Variants in NFASC observed in about 807,000 individuals in gnomAD.
NFASC encodes neurofascin homolog.
In NFASC, 43 loss-of-function variants were observed where a neutral mutation model predicts 147.5. The observed-to-expected ratio is 0.29, with a 90% CI of 0.23 to 0.38. The LOEUF (loss-of-function observed/expected upper bound fraction) is 0.38. NFASC is among the 10% of genes least tolerant of loss of function. The pLI is 1.00. For synonymous variants in NFASC, 622 were observed against 665.5 expected (o/e 0.93, Z 1.01); for missense variants, 1,320 against 1,689.0 (o/e 0.78, Z 3.83).
chr1:204,967,570 C>A (rs142738131), intron 8 of NFASC, among the ~76,000 whole-genome samples: 67 of 152,190 alleles, frequency 4.4e-4, no homozygotes, highest in Non-Finnish European at 3.8e-4. Context: ...TCTCCCACCC[C>A]CTCCCCGAGC....
chr1:204,898,797 A>C (rs181454347), intron 1 of NFASC, among the ~76,000 whole-genome samples: 1 of 152,320 alleles, frequency 6.6e-6, no homozygotes, highest in East Asian at 1.9e-4. Flanking sequence ...CGTGTAGTTC[A>C]TTGATTTCTA....
chr1:204,828,886 GC>G, intron 1 of NFASC, 104 bp downstream of exon 1: 1 of 714,226 alleles, frequency 1.4e-6, no homozygotes, highest in Non-Finnish European at 1.7e-6. Flanking sequence ...CCCCTGACCT[GC>G]CCCCTCCCCC....
At chr1:204,946,025 A>G (rs1423488785) in intron 3 of NFASC, among the ~76,000 whole-genome samples, 1 of 152,110 alleles carries the variant, frequency 6.6e-6, no homozygotes, top group African/African-American at 2.4e-5. Flanking sequence ...CTAAAGCTCT[A>G]CAGGAAACGG....
At chr1:204,861,785 G>T (rs902292391) in intron 1 of NFASC, among the ~76,000 whole-genome samples, 1 of 152,284 alleles carries the variant, frequency 6.6e-6, no homozygotes, top group South Asian at 2.1e-4. Context: ...CACCGCACCC[G>T]GCCTCTTCTC....
intron 24 of NFASC, 89 bp from the exon 25 acceptor site, chr1:204,997,081 G>A: frequency 1.9e-6 from 3 of 1,544,118 alleles, no homozygotes; most frequent in Non-Finnish European, 2.6e-6. Flanking sequence ...TCTCCTCACC[G>A]GGCTGCCTGC....
At chr1:204,872,143 C>T (rs774487882) in intron 1 of NFASC, among the ~76,000 whole-genome samples, 2 of 152,210 alleles carry the variant, frequency 1.3e-5, no homozygotes, top group Non-Finnish European at 2.9e-5. Context: ...CTCCCTGGCT[C>T]AGACCAATTC....
chr1:204,957,871 G>A (rs767964447), intron 8 of NFASC, 45 bp downstream of exon 8: 4 of 1,589,302 alleles, frequency 2.5e-6, no homozygotes, highest in African/African-American at 1.3e-5. Context: ...AAAGAAAGAA[G>A]CCCACTGATC....
chr1:204,900,752 A>G (rs1389637423), intron 1 of NFASC, among the ~76,000 whole-genome samples: 1 of 152,228 alleles, frequency 6.6e-6, no homozygotes, highest in Non-Finnish European at 1.5e-5. Context: ...CACTGGAACG[A>G]AGACCTGAGG....
Position 204,830,761 on chromosome 1 carries a change from G to A in NFASC, c.-200+1979G>A, listed in dbSNP as rs147201474. Among the ~76,000 whole-genome samples the A allele has an allele frequency of 3.6e-3, 551 of 152,314 alleles. 5 individuals are homozygous for A. Among genetic ancestry groups the A allele is most frequent in the African/African-American group, 0.013 (524 of 41,548 alleles). The stretch of plus-strand genomic sequence containing the variant: ...ACTGTGGAACAGGGAATGGCAGCCC[G>A]ATTCCTGTCTTAGGGGCTTAGACGA... On this transcript the variant is annotated intron_variant, in intron 1 of 29. Coordinates refer to ENST00000339876, the MANE Select transcript of NFASC (RefSeq NM_001005388.3).
intron 1 of NFASC, among the ~76,000 whole-genome samples, chr1:204,884,096 T>C (rs2080862371): frequency 6.6e-6 from 1 of 152,158 alleles, no homozygotes. Context: ...CACTCTCTGC[T>C]GGAGTGACAG....
chr1:204,869,269 TG>T (rs2077380751), intron 1 of NFASC, among the ~76,000 whole-genome samples: 1 of 152,168 alleles, frequency 6.6e-6, no homozygotes, highest in African/African-American at 2.4e-5. Context: ...GCACCCTGTG[TG>T]GGGAAATTAT....
intron 2 of NFASC, among the ~76,000 whole-genome samples, chr1:204,935,835 A>T (rs2092770703): frequency 6.6e-6 from 1 of 152,200 alleles, no homozygotes; most frequent in African/African-American, 2.4e-5. Flanking sequence ...GCCCCCGTGC[A>T]TCATGGCCAC....
Position 204,920,740 on chromosome 1 carries a change from G to GGTA in NFASC, c.-91+1_-91+3dup. Reference sequence around the variant, plus strand: ...GGAAGAGGCTGAATGAGGCAGAGAAGGTAAGCAGGACTTGGGCCTGGGGTA... The same window carrying GGTA: ...GGAAGAGGCTGAATGAGGCAGAGAAGGTAGTAAGCAGGACTTGGGCCTGGGGTA... On this transcript the variant is annotated splice_region_variant and 5_prime_UTR_variant. Coordinates refer to ENST00000339876, the MANE Select transcript of NFASC (RefSeq NM_001005388.3). 7.8e-7 allele frequency: 1 copy of GGTA among 1,281,212 alleles called. No homozygotes were observed. Among genetic ancestry groups the GGTA allele is most frequent in the Non-Finnish European group, 1.0e-6 (1 of 981,144 alleles). 79.4% of individuals were successfully genotyped at this position (1,281,212 alleles called of 1,614,324 possible). A position where few individuals can be genotyped will look rare whatever the true frequency, so the allele number is the denominator to read the frequency against.
intron 1 of NFASC, among the ~76,000 whole-genome samples, chr1:204,902,225 G>A (rs1190576707): frequency 6.6e-6 from 1 of 152,120 alleles, no homozygotes; most frequent in Non-Finnish European, 1.5e-5. Flanking sequence ...AGCCAAGGAG[G>A]TCAAGACTGC....
intron 1 of NFASC, among the ~76,000 whole-genome samples, chr1:204,906,097 T>C (rs1416528038): frequency 1.3e-5 from 2 of 152,212 alleles, no homozygotes; most frequent in African/African-American, 2.4e-5. Context: ...ATCTTCTTTA[T>C]AAAATATTTA....
chr1:205,010,898 G>A lies in NFASC; in HGVS notation c.3421+1210G>A, dbSNP rs1289524743. 7.1e-5 allele frequency: 10 copies of A among 140,222 alleles called. No homozygotes were observed. Among genetic ancestry groups the A allele is most frequent in the African/African-American group, 1.0e-4 (4 of 38,566 alleles). The allele number at this position is 140,222 out of a possible 1,614,324, so 8.7% of individuals were successfully genotyped here. ...AGCCTGGGCGGCAGAGCAAGACTCC[G>A]TCTCAAAAAAGGAAAAAAAAAAAAA... On this transcript the variant is annotated intron_variant, in intron 28 of 29. Transcript: ENST00000339876. This position sits in a 1 kb window ranked among gnomAD's most constrained non-coding sequence, Gnocchi z 4.1.
At chr1:204,923,408 C>T (rs1056377649) in intron 2 of NFASC, among the ~76,000 whole-genome samples, 5 of 152,124 alleles carry the variant, frequency 3.3e-5, no homozygotes, top group Non-Finnish European at 5.9e-5. Flanking sequence ...ATCCCCAGTA[C>T]GTCCACTCCT....
intron 10 of NFASC, among the ~76,000 whole-genome samples, chr1:204,970,180 A>C (rs370877052): frequency 2.1e-4 from 32 of 151,844 alleles, no homozygotes; most frequent in African/African-American, 7.5e-4. Flanking sequence ...CAAAACAGAG[A>C]TCCAGAGGGA....
chr1:204,944,076 T>A, intron 2 of NFASC, 150 bp from the exon 3 acceptor site: 1 of 678,818 alleles, frequency 1.5e-6, no homozygotes, highest in East Asian at 2.7e-5. Context: ...GTCCCACGTG[T>A]CAGTAGTGTT....
Sources: gnomAD v4.1 joint callset for allele counts (sites outside exome capture counted in the v4.1 genomes callset) on GRCh38, gnomAD v4.1.1 for gene constraint, Gnocchi (gnomAD v3.1) non-coding constraint, MANE v1.5 for transcripts, NCBI Gene and HGNC (gene_info 2026-07-23, HGNC 2026-07-21) for gene names.